AGAP1: variants seen among roughly 807,000 people sequenced by gnomAD.
AGAP1 encodes the protein ArfGAP with GTPase domain, ankyrin repeat and PH domain 1.
A neutral mutation model predicts 105.3 loss-of-function variants in AGAP1; 29 were observed. The ratio of observed to expected loss-of-function variants is 0.28; its 90% CI spans 0.21 to 0.38. The LOEUF (loss-of-function observed/expected upper bound fraction) is 0.38, where lower values mean the gene tolerates loss of function less well. Ranked by LOEUF, AGAP1 falls within the 10% of genes least tolerant of loss-of-function variation. AGAP1 has a pLI of 1.00. For missense variants in AGAP1, 998 were observed against 1,165.1 expected (o/e 0.86, Z 2.09); for synonymous variants, 509 against 485.9 (o/e 1.05, Z -0.63).
chr2:236,120,060 G>A lies in AGAP1; in HGVS notation c.2115-132G>A. Reference sequence around the variant, plus strand: ...ATAAACGTTTCCCCCAGGGGGCTTTGTGCCGAGTGAAGACCTTTGCTTTCT... The same window carrying A: ...ATAAACGTTTCCCCCAGGGGGCTTTATGCCGAGTGAAGACCTTTGCTTTCT... On this transcript the variant is annotated intron_variant, in intron 16 of 17. Coordinates refer to ENST00000304032, the MANE Select transcript of AGAP1 (RefSeq NM_001037131.3). This position sits in a 1 kb window ranked among gnomAD's most constrained non-coding sequence, Gnocchi z 6.0. 1 of 1,305,668 alleles carries A rather than the reference G, an allele frequency of 7.7e-7. No individual in the cohort carries two copies. Among genetic ancestry groups the A allele is most frequent in the East Asian group, 2.4e-5 (1 of 41,822 alleles). 80.9% of individuals were successfully genotyped at this position (1,305,668 alleles called of 1,614,324 possible). A position where few individuals can be genotyped will look rare whatever the true frequency, so the allele number is the denominator to read the frequency against.
At chr2:236,016,635 G>A (rs370669314) in intron 13 of AGAP1, among the ~76,000 whole-genome samples, 3 of 152,110 alleles carry the variant, frequency 2.0e-5, no homozygotes, top group African/African-American at 7.2e-5. Flanking sequence ...GCAGCAGTGC[G>A]AACTTCTCAG....
At chr2:235,917,764 T>C (rs2051969747) in intron 11 of AGAP1, among the ~76,000 whole-genome samples, 1 of 152,182 alleles carries the variant, frequency 6.6e-6, no homozygotes, top group Non-Finnish European at 1.5e-5. Context: ...CATTTTTCCT[T>C]TGAGTGACAG....
chr2:236,091,878 A>G (rs1441817307), intron 16 of AGAP1, among the ~76,000 whole-genome samples: 1 of 152,204 alleles, frequency 6.6e-6, no homozygotes, highest in African/African-American at 2.4e-5. Flanking sequence ...GATGCCCTTC[A>G]GTGGGTGAAA....
intron 3 of AGAP1, chr2:235,718,352 T>A (rs1488068131): frequency 6.1e-6 from 6 of 985,044 alleles, no homozygotes; most frequent in African/African-American, 1.7e-5. Flanking sequence ...GTTCCTTCTT[T>A]TTCTTACTGG....
intron 1 of AGAP1, among the ~76,000 whole-genome samples, chr2:235,694,502 G>T (rs1049836207): frequency 6.8e-6 from 1 of 146,612 alleles, no homozygotes; most frequent in East Asian, 2.0e-4. Flanking sequence ...AAAAAAATTA[G>T]CTGGGCATGG....
chr2:235,538,711 C>T (rs1943334394), intron 1 of AGAP1, among the ~76,000 whole-genome samples: 1 of 152,114 alleles, frequency 6.6e-6, no homozygotes, highest in African/African-American at 2.4e-5. Context: ...CCCATCTCCG[C>T]ATCAGAGTTT....
At chr2:235,933,355 TGAG>T (rs1471208969) in intron 12 of AGAP1, among the ~76,000 whole-genome samples, 4 of 151,710 alleles carry the variant, frequency 2.6e-5, no homozygotes, top group African/African-American at 4.8e-5. Flanking sequence ...TGCAGAAAAA[TGAG>T]GAGAGACCAG....
intron 9 of AGAP1, among the ~76,000 whole-genome samples, chr2:235,817,893 A>G (rs1958549765): frequency 6.6e-6 from 1 of 152,238 alleles, no homozygotes; most frequent in South Asian, 2.1e-4. Flanking sequence ...TCTGTCTCAA[A>G]AAAAAGAAGA....
rs1172206743 is a variant in AGAP1 at position 235,689,470 on chromosome 2, C to T, written c.164-19709C>T. Reference sequence around the variant, plus strand: ...ACAATTTTGACTGCAGAGAGGCAGGCAGAATAGCTTGTCCAGGAAAATAAT... The same window carrying T: ...ACAATTTTGACTGCAGAGAGGCAGGTAGAATAGCTTGTCCAGGAAAATAAT... On this transcript the variant is annotated intron_variant, in intron 1 of 17. Transcript: ENST00000304032. This position sits in a 1 kb window ranked among gnomAD's most constrained non-coding sequence, Gnocchi z 4.2. Among the ~76,000 whole-genome samples, 8 of 152,222 alleles carry T rather than the reference C, an allele frequency of 5.3e-5. No homozygotes were observed. Among genetic ancestry groups the T allele is most frequent in the African/African-American group, 1.9e-4 (8 of 41,444 alleles).
At chr2:235,937,547 T>TCATGTTGTTGCAAG (rs879256103) in intron 12 of AGAP1, among the ~76,000 whole-genome samples, 249 of 152,100 alleles carry the variant, frequency 1.6e-3, no homozygotes, top group Non-Finnish European at 2.9e-3. Context: ...CCAGAAATCT[T>TCATGTTGTTGCAAG]CATGTTGTTG....
At chr2:235,935,030 G>A (rs781638274) in intron 12 of AGAP1, among the ~76,000 whole-genome samples, 4 of 152,044 alleles carry the variant, frequency 2.6e-5, no homozygotes, top group Admixed American at 1.3e-4. Context: ...TCCTTTGTAG[G>A]GGCAACCTAC....
intron 13 of AGAP1, among the ~76,000 whole-genome samples, chr2:235,969,716 G>A (rs1384047386): frequency 6.6e-6 from 1 of 152,208 alleles, no homozygotes; most frequent in African/African-American, 2.4e-5. Flanking sequence ...AAGGGGCAGA[G>A]TGTGGGGTGT....
At chr2:236,098,620 C>CTTTTTGTTTTTTTTTTTTTTTT (rs1323650327) in intron 16 of AGAP1, among the ~76,000 whole-genome samples, 1 of 115,256 alleles carries the variant, frequency 8.7e-6, no homozygotes, top group African/African-American at 3.9e-5. Context: ...TCTTTTTTTC[C>CTTTTTGTTTTTTTTTTTTTTTT]TTTTTTTTTT....
At chr2:235,510,641 G>T (rs2149026565) in intron 1 of AGAP1, among the ~76,000 whole-genome samples, 1 of 152,270 alleles carries the variant, frequency 6.6e-6, no homozygotes, top group East Asian at 1.9e-4. Context: ...CAAATTGGTT[G>T]ATTTTACTCT....
chr2:236,094,638 A>T (rs1313862794), intron 16 of AGAP1, among the ~76,000 whole-genome samples: 1 of 152,130 alleles, frequency 6.6e-6, no homozygotes, highest in East Asian at 1.9e-4. Flanking sequence ...AGGCATGAGC[A>T]CTGCGCCCAG....
intron 1 of AGAP1, among the ~76,000 whole-genome samples, chr2:235,532,559 C>T (rs149572958): frequency 6.6e-6 from 1 of 152,296 alleles, no homozygotes; most frequent in Non-Finnish European, 1.5e-5. Flanking sequence ...GTGGTTTGTC[C>T]AGCTTTTCTC....
chr2:235,782,367 A>G (rs770825645), intron 6 of AGAP1, among the ~76,000 whole-genome samples: 6 of 152,124 alleles, frequency 3.9e-5, no homozygotes, highest in Non-Finnish European at 7.4e-5. Context: ...GGAAATAGCC[A>G]GTTTTCTATA....
At chr2:236,088,351 G>A (rs540266076) in intron 16 of AGAP1, among the ~76,000 whole-genome samples, 11 of 152,338 alleles carry the variant, frequency 7.2e-5, no homozygotes, top group Admixed American at 2.6e-4. Flanking sequence ...TGCTGGAAAG[G>A]GCAAAGACCC....
At chr2:235,571,640 G>A (rs1427577269) in intron 1 of AGAP1, among the ~76,000 whole-genome samples, 1 of 152,106 alleles carries the variant, frequency 6.6e-6, no homozygotes, top group Admixed American at 6.5e-5. Context: ...AGCCCTTTGT[G>A]TTACAGGGAA....
Sources: gnomAD v4.1 joint callset for allele counts (sites outside exome capture counted in the v4.1 genomes callset) on GRCh38, gnomAD v4.1.1 for gene constraint, Gnocchi (gnomAD v3.1) non-coding constraint, MANE v1.5 for transcripts, NCBI Gene and HGNC (gene_info 2026-07-23, HGNC 2026-07-21) for gene names.